The following KIAA0825 variants were observed in gnomAD, a reference collection of about 807,000 sequenced individuals.
KIAA0825 encodes the protein KIAA0825, also known as uncharacterized protein KIAA0825.
In KIAA0825, 119 loss-of-function variants were observed where a neutral mutation model predicts 147.6. That is an observed-to-expected ratio of 0.81 (90% CI 0.69 to 0.94). KIAA0825 has a LOEUF of 0.94. KIAA0825 is among the 40% of genes least tolerant of loss of function. The pLI is 0.00. For synonymous variants in KIAA0825, 470 were observed against 518.1 expected (o/e 0.91, Z 1.26); for missense variants, 1,381 against 1,472.7 (o/e 0.94, Z 1.02).
chr5:94,492,821 C>G (rs1408433441), intron 5 of KIAA0825, among the ~76,000 whole-genome samples: 2 of 152,124 alleles, frequency 1.3e-5, no homozygotes, highest in Non-Finnish European at 2.9e-5. Flanking sequence ...TATCAGAGAC[C>G]TATTTCACTA....
intron 13 of KIAA0825, among the ~76,000 whole-genome samples, chr5:94,445,812 C>T (rs561716146): frequency 3.7e-4 from 57 of 152,290 alleles, no homozygotes; most frequent in Admixed American, 7.2e-4. Context: ...ACACTGACTT[C>T]CCTCTGAAAA....
intron 2 of KIAA0825, among the ~76,000 whole-genome samples, chr5:94,547,765 A>G (rs967579621): frequency 1.4e-5 from 2 of 147,216 alleles, no homozygotes; most frequent in African/African-American, 5.1e-5. Context: ...AAAAGCAGCA[A>G]TAGAAAATAA....
chr5:94,391,778 TGATG>T, intron 17 of KIAA0825, 84 bp from the exon 18 acceptor site: 1 of 1,157,578 alleles, frequency 8.6e-7, no homozygotes, highest in Non-Finnish European at 1.2e-6. Context: ...TGTGGAGAGT[TGATG>T]TAAATCTCAG....
chr5:94,453,140 AT>A, intron 12 of KIAA0825, 71 bp from the exon 13 acceptor site: 1 of 781,934 alleles, frequency 1.3e-6, no homozygotes, highest in Non-Finnish European at 2.0e-6. Flanking sequence ...ATAACTTTTG[AT>A]TTTTACTTAG....
intron 5 of KIAA0825, among the ~76,000 whole-genome samples, chr5:94,487,554 C>G (rs1203574218): frequency 1.3e-5 from 2 of 152,344 alleles, no homozygotes; most frequent in Admixed American, 6.5e-5. Context: ...TGATTTCTAT[C>G]TGCCTAAGCG....
chr5:94,222,223 C>A (rs1325787357), intron 20 of KIAA0825, among the ~76,000 whole-genome samples: 4 of 152,248 alleles, frequency 2.6e-5, no homozygotes, highest in South Asian at 2.1e-4. Flanking sequence ...ATGCCAATAG[C>A]CTGTAAGAGA....
intron 20 of KIAA0825, among the ~76,000 whole-genome samples, chr5:94,269,931 CAAA>C (rs1186891186): frequency 6.6e-6 from 1 of 151,710 alleles, no homozygotes; most frequent in Non-Finnish European, 1.5e-5. Context: ...AAAGAAGACC[CAAA>C]TAAATACATT....
At chr5:94,337,081 T>C (rs951189941) in intron 20 of KIAA0825, among the ~76,000 whole-genome samples, 2 of 152,196 alleles carry the variant, frequency 1.3e-5, no homozygotes, top group Non-Finnish European at 2.9e-5. Flanking sequence ...ATTCTTTATA[T>C]ATGAAATGTC....
chr5:94,311,288 C>G (rs749291170), intron 20 of KIAA0825, among the ~76,000 whole-genome samples: 2 of 149,548 alleles, frequency 1.3e-5, no homozygotes, highest in Non-Finnish European at 3.0e-5. Flanking sequence ...TATGGTATTG[C>G]TTGGAACCTT....
chr5:94,389,003 C>T (rs1330152161), intron 18 of KIAA0825, among the ~76,000 whole-genome samples: 3 of 152,178 alleles, frequency 2.0e-5, no homozygotes, highest in African/African-American at 7.2e-5. Context: ...ATGGTAGATG[C>T]ACCTGACGGT....
chr5:94,159,196 G>A (rs1431854681), intron 20 of KIAA0825, among the ~76,000 whole-genome samples: 3 of 152,002 alleles, frequency 2.0e-5, no homozygotes, highest in Non-Finnish European at 4.4e-5. Context: ...TTGTTTTATC[G>A]GGATAATAAA....
Position 94,230,329 on chromosome 5 carries a change from AG to A in KIAA0825, c.3711-76206del, listed in dbSNP as rs375664104. Among the ~76,000 whole-genome samples the A allele has an allele frequency of 1.3e-3, 204 of 152,274 alleles. 1 individual carries two copies. The highest frequency in any genetic ancestry group is 4.4e-3 in the African/African-American group (183 of 41,562). On this transcript the variant is annotated intron_variant, in intron 20 of 20. Transcript: ENST00000682413. ...CCTAATGGAATTAGTTTTAGAAATA[AG>A]TCTTCTATATCCTATGGAGGAGGAA...
chr5:94,448,782 G>A (rs1291797659), intron 13 of KIAA0825, among the ~76,000 whole-genome samples: 1 of 152,132 alleles, frequency 6.6e-6, no homozygotes, highest in Non-Finnish European at 1.5e-5. Context: ...TGTTACAGGT[G>A]AGGGAAATGA....
At chr5:94,409,068 G>A (rs1752438265) in intron 15 of KIAA0825, among the ~76,000 whole-genome samples, 1 of 152,128 alleles carries the variant, frequency 6.6e-6, no homozygotes, top group Admixed American at 6.5e-5. Context: ...GTAAAAAATA[G>A]TACACTGAGA....
intron 2 of KIAA0825, among the ~76,000 whole-genome samples, chr5:94,577,315 G>C (rs973014698): frequency 6.6e-6 from 1 of 152,138 alleles, no homozygotes; most frequent in Non-Finnish European, 1.5e-5. Flanking sequence ...AAGAGACAAA[G>C]GATAGATAAA....
intron 16 of KIAA0825, among the ~76,000 whole-genome samples, chr5:94,397,927 C>T (rs1750886393): frequency 6.6e-6 from 1 of 152,028 alleles, no homozygotes; most frequent in Non-Finnish European, 1.5e-5. Context: ...GTCTTCCAAA[C>T]TAGCTTGGCC....
intron 8 of KIAA0825, among the ~76,000 whole-genome samples, chr5:94,472,467 C>T (rs1761324411): frequency 6.6e-6 from 1 of 152,142 alleles, no homozygotes; most frequent in Admixed American, 6.5e-5. Flanking sequence ...CCCAATCGGC[C>T]GGGCGCGGTG....
intron 2 of KIAA0825, among the ~76,000 whole-genome samples, chr5:94,566,382 T>C (rs547456874): frequency 7.2e-5 from 11 of 152,162 alleles, no homozygotes; most frequent in African/African-American, 2.7e-4. Flanking sequence ...AATTATATGA[T>C]TTTTGAAACA....
chr5:94,193,130 TAGGTGAAAGAA>T (rs1186620732), intron 20 of KIAA0825, among the ~76,000 whole-genome samples: 1 of 152,154 alleles, frequency 6.6e-6, no homozygotes, highest in African/African-American at 2.4e-5. Flanking sequence ...GCAGCTTAGC[TAGGTGAAAGAA>T]AGGACAGTCC....
Sources: allele counts gnomAD v4.1 joint callset (sites outside exome capture counted in the v4.1 genomes callset), GRCh38; gene constraint gnomAD v4.1.1; transcripts MANE v1.5; gene names NCBI Gene and HGNC (gene_info 2026-07-23, HGNC 2026-07-21).